GRK3: variants seen among roughly 807,000 people sequenced by gnomAD.
GRK3 encodes the protein G protein-coupled receptor kinase 3, also known as adrenergic, beta, receptor kinase 2.
A neutral mutation model predicts 95.7 loss-of-function variants in GRK3; 54 were observed. The observed-to-expected ratio is 0.56, with a 90% CI of 0.45 to 0.71. The LOEUF is 0.71. Among genes scored for constraint, GRK3 ranks in the 30% least tolerant of loss-of-function variants. GRK3 has a pLI of 0.00. For missense variants in GRK3, 649 were observed against 851.2 expected, an observed-to-expected ratio of 0.76 and a Z score of 2.96; for synonymous variants, 281 against 290.8, an observed-to-expected ratio of 0.97 and a Z score of 0.34.
intron 6 of GRK3, among the ~76,000 whole-genome samples, chr22:25,670,868 T>C (rs1601515288): frequency 1.9e-5 from 2 of 106,804 alleles, no homozygotes; most frequent in African/African-American, 4.1e-5. Context: ...AAACCCCATC[T>C]CTACTAAAAA....
chr22:25,705,968 ACT>A (rs1257761805), intron 15 of GRK3, among the ~76,000 whole-genome samples: 1 of 151,868 alleles, frequency 6.6e-6, no homozygotes, highest in East Asian at 1.9e-4. Flanking sequence ...GTGCTCGGAG[ACT>A]CGTGTTCTTC....
rs537907547 is a variant in GRK3 at position 25,728,676 on chromosome 22, A to G, written c.*6226A>G. On this transcript the variant is annotated 3_prime_UTR_variant, in exon 21 of 21. Transcript: ENST00000324198. The stretch of plus-strand genomic sequence containing the variant: ...AAAAAGGCAAGCTGTGCTTAGAAAC[A>G]CTGCTTTTAAGAGTAGCACATTTGA... 1.3e-5 allele frequency: 2 copies of G among 152,328 alleles called. No homozygotes were observed. The highest frequency in any genetic ancestry group is 4.1e-4 in the South Asian group (2 of 4,826). 9.4% of individuals were successfully genotyped at this position (152,328 alleles called of 1,614,324 possible).
At chr22:25,628,908 G>A (rs1446466745) in intron 2 of GRK3, among the ~76,000 whole-genome samples, 1 of 152,114 alleles carries the variant, frequency 6.6e-6, no homozygotes, top group African/African-American at 2.4e-5. Flanking sequence ...GCCCAGAGGT[G>A]ACATACCCCA....
rs2085011204 is a variant in GRK3 at position 25,674,523 on chromosome 22, A to T, written c.642A>T (p.Gly214=). 1 of 1,610,248 alleles carries T rather than the reference A, an allele frequency of 6.2e-7. No homozygotes were observed. The highest frequency in any genetic ancestry group is 1.3e-5 in the African/African-American group (1 of 74,830). Residue 214 remains glycine, a synonymous_variant, in exon 8 of 21, where the codon GGA becomes GGT. Transcript: ENST00000324198. ...ATGGTTGCAGGAAAGCAGACACTGG[A>T]AAAATGTAAGCTTTCAATGCTCTTA... The part of the protein sequence containing the change: ...EVYGCRKADT[G]KMYAMKCLDK...
At chr22:25,718,863 C>G (rs760750563) in intron 19 of GRK3, among the ~76,000 whole-genome samples, 71 of 151,868 alleles carry the variant, frequency 4.7e-4, no homozygotes, top group Admixed American at 2.3e-3. Context: ...TTCAAACAAC[C>G]AAGGAGAGAA....
chr22:25,575,753 C>T (rs1172407682), intron 1 of GRK3, among the ~76,000 whole-genome samples: 1 of 152,190 alleles, frequency 6.6e-6, no homozygotes, highest in Non-Finnish European at 1.5e-5. Flanking sequence ...AAAAAAATTA[C>T]TCCAGATACA....
chr22:25,586,211 A>G lies in GRK3; in HGVS notation c.114-18166A>G, dbSNP rs547589694. Among the ~76,000 whole-genome samples, 799 of 152,338 alleles carry G rather than the reference A, an allele frequency of 5.2e-3. 1 individual carries two copies. The highest frequency in any genetic ancestry group is 0.018 in the African/African-American group (767 of 41,542). On this transcript the variant is annotated intron_variant, in intron 1 of 20. Transcript: ENST00000324198. ...TGTTGAAGGTGGGGGATTGAGTACT[A>G]GAATGATTGCTGATGTCTCTTCAAG...
At chr22:25,594,526 C>A (rs969536147) in intron 1 of GRK3, among the ~76,000 whole-genome samples, 1 of 152,180 alleles carries the variant, frequency 6.6e-6, no homozygotes, top group Non-Finnish European at 1.5e-5. Flanking sequence ...GGCTTCATTC[C>A]TGGGAGGCAA....
intron 6 of GRK3, among the ~76,000 whole-genome samples, chr22:25,670,104 GA>G (rs1310762468): frequency 6.6e-6 from 1 of 152,064 alleles, no homozygotes; most frequent in African/African-American, 2.4e-5. Flanking sequence ...TAGATTCATT[GA>G]AAAAAAGATG....
chr22:25,714,905 T>G (rs2085371971), intron 18 of GRK3: 1 of 176,714 alleles, frequency 5.7e-6, no homozygotes, highest in Non-Finnish European at 1.2e-5. Flanking sequence ...GTGTGCCCTG[T>G]GCGGTCATCT....
intron 3 of GRK3, among the ~76,000 whole-genome samples, chr22:25,652,374 G>A (rs757522585): frequency 3.9e-5 from 6 of 152,136 alleles, no homozygotes; most frequent in Non-Finnish European, 8.8e-5. Flanking sequence ...GAGCTTGCAG[G>A]AAAATGATCC....
At chr22:25,696,399 A>C (rs577822777) in intron 13 of GRK3, among the ~76,000 whole-genome samples, 2 of 152,364 alleles carry the variant, frequency 1.3e-5, no homozygotes, top group Admixed American at 1.3e-4. Context: ...GAAATAGAGT[A>C]GAAAAGATTA....
intron 1 of GRK3, among the ~76,000 whole-genome samples, chr22:25,565,528 C>G (rs1036506561): frequency 6.6e-6 from 1 of 152,108 alleles, no homozygotes; most frequent in South Asian, 2.1e-4. Context: ...GTGTAGTCCC[C>G]GTTGGCTCCT....
chr22:25,613,558 C>CGGGA (rs1420256871), intron 2 of GRK3, among the ~76,000 whole-genome samples: 21 of 148,918 alleles, frequency 1.4e-4, no homozygotes, highest in African/African-American at 5.2e-4. Context: ...CAGGCAGTAA[C>CGGGA]GGGAGCCTGG....
intron 17 of GRK3, among the ~76,000 whole-genome samples, chr22:25,713,415 C>T (rs534309792): frequency 1.3e-5 from 2 of 152,208 alleles, no homozygotes; most frequent in Non-Finnish European, 2.9e-5. Flanking sequence ...ATCAATGAGA[C>T]TGGATGGAGT....
At position 25,690,208 on chromosome 22, in the gene GRK3, A is replaced by G. The variant is rs372788395; in HGVS notation, c.977A>G (p.Asp326Gly). Residue 326 changes from aspartate to glycine, a missense_variant, in exon 12 of 21, where the codon GAT becomes GGT. Physicochemically the swap from Asp to Gly is moderately conservative, Grantham distance 94. Transcript: ENST00000324198. ...GTTTAGCCAGCAAATATTCTCTTGG[A>G]TGAACATGGACACGCAAGAATATCA... ...RDLKPANILL[D>G]EHGHARISDL... The G allele has an allele frequency of 6.2e-7, 1 of 1,613,842 alleles. No individual in the cohort carries two copies. Among genetic ancestry groups the G allele is most frequent in the Non-Finnish European group, 8.5e-7 (1 of 1,179,898 alleles).
chr22:25,677,408 GAA>G (rs930994724), intron 8 of GRK3, among the ~76,000 whole-genome samples: 4 of 135,944 alleles, frequency 2.9e-5, no homozygotes, highest in African/African-American at 1.1e-4. Context: ...AAAAGAAAAG[GAA>G]AAAAAAAGAA....
chr22:25,618,268 T>C (rs1235943417), intron 2 of GRK3, among the ~76,000 whole-genome samples: 1 of 152,256 alleles, frequency 6.6e-6, no homozygotes, highest in East Asian at 1.9e-4. Context: ...TGCTGGATCG[T>C]GTCTGATAGG....
chr22:25,657,553 A>T (rs141118130), intron 3 of GRK3, among the ~76,000 whole-genome samples: 3 of 152,214 alleles, frequency 2.0e-5, no homozygotes, highest in African/African-American at 7.2e-5. Context: ...ATTTGTTTTT[A>T]TATATAAAGT....
Sources: gnomAD v4.1 joint callset for allele counts (sites outside exome capture counted in the v4.1 genomes callset) on GRCh38, gnomAD v4.1.1 for gene constraint, MANE v1.5 for transcripts, NCBI Gene and HGNC (gene_info 2026-07-23, HGNC 2026-07-21) for gene names.